BAZ2B: variants seen among roughly 807,000 people sequenced by gnomAD.
BAZ2B encodes the protein bromodomain adjacent to zinc finger domain 2B.
In BAZ2B, 91 loss-of-function variants were observed where a neutral mutation model predicts 246.0. The observed-to-expected ratio is 0.37, with a 90% confidence interval of 0.31 to 0.44. The LOEUF (loss-of-function observed/expected upper bound fraction) is 0.44. BAZ2B is among the 20% of genes least tolerant of loss of function. The pLI is 1.00. For synonymous variants in BAZ2B, 855 were observed against 860.0 expected (o/e 0.99, Z 0.10); for missense variants, 2,332 against 2,533.7 (o/e 0.92, Z 1.71).
chr2:159,431,166 A>G lies in BAZ2B; in HGVS notation c.1901-10T>C, dbSNP rs756684379. On this transcript the variant is annotated splice_polypyrimidine_tract_variant and intron_variant, in intron 9 of 36. Transcript: ENST00000392783. ...GAATTACTATCTGATTCTGGGAAGT[A>G]AAAGAAGCATTTGTATATTATAACT... 3.1e-6 allele frequency: 5 copies of G among 1,595,238 alleles called. No homozygotes were observed. Among genetic ancestry groups the G allele is most frequent in the Non-Finnish European group, 4.3e-6 (5 of 1,170,856 alleles).
intron 4 of BAZ2B, 136 bp downstream of exon 4, chr2:159,453,477 A>T: frequency 2.9e-6 from 3 of 1,043,116 alleles, no homozygotes; most frequent in Non-Finnish European, 3.9e-6. Flanking sequence ...GATAAATAGG[A>T]TTAAGCCAAT....
intron 34 of BAZ2B, among the ~76,000 whole-genome samples, chr2:159,331,794 G>A (rs2064840105): frequency 6.6e-6 from 1 of 152,202 alleles, no homozygotes; most frequent in Admixed American, 6.5e-5. Context: ...CCAAGGGCAG[G>A]GGCAGGCAAA....
intron 27 of BAZ2B, among the ~76,000 whole-genome samples, chr2:159,371,097 C>T (rs1031660927): frequency 1.1e-4 from 16 of 152,116 alleles, no homozygotes; most frequent in African/African-American, 3.1e-4. Flanking sequence ...TGTGAGACAC[C>T]GCGCTCGGCC....
intron 1 of BAZ2B, among the ~76,000 whole-genome samples, chr2:159,596,448 A>G (rs193242835): frequency 7.2e-4 from 110 of 152,304 alleles, no homozygotes; most frequent in Admixed American, 2.7e-3. Flanking sequence ...TAGAAAGTAA[A>G]TTTGTCTTGA....
intron 6 of BAZ2B, among the ~76,000 whole-genome samples, chr2:159,440,084 ACTC>A (rs1421203982): frequency 1.3e-5 from 2 of 152,218 alleles, no homozygotes; most frequent in Non-Finnish European, 2.9e-5. Flanking sequence ...TTATAAAAGA[ACTC>A]CTCAATAAAA....
intron 31 of BAZ2B, among the ~76,000 whole-genome samples, chr2:159,345,378 A>G (rs2067609832): frequency 6.6e-6 from 1 of 152,146 alleles, no homozygotes; most frequent in Non-Finnish European, 1.5e-5. Flanking sequence ...GATAATGAAT[A>G]TGCTAATTAC....
intron 27 of BAZ2B, among the ~76,000 whole-genome samples, chr2:159,354,681 A>G (rs1050957741): frequency 6.6e-6 from 1 of 152,178 alleles, no homozygotes; most frequent in Non-Finnish European, 1.5e-5. Context: ...TTGAAAATAT[A>G]TATGGGATAT....
chr2:159,501,738 AT>A (rs1181564101), intron 2 of BAZ2B, among the ~76,000 whole-genome samples: 5 of 152,216 alleles, frequency 3.3e-5, no homozygotes, highest in Non-Finnish European at 5.9e-5. Flanking sequence ...AAAGTTAAGA[AT>A]ATCTGAGTTC....
At chr2:159,647,608 G>T in the BAZ2B span, among the ~76,000 whole-genome samples, 2 of 152,236 alleles carry the variant, frequency 1.3e-5, no homozygotes, top group South Asian at 4.1e-4. Context: ...ATCACAGTTA[G>T]CCAATTCCCT....
intron 2 of BAZ2B, among the ~76,000 whole-genome samples, chr2:159,547,122 G>A (rs1578256311): frequency 6.6e-6 from 1 of 152,114 alleles, no homozygotes; most frequent in Non-Finnish European, 1.5e-5. Flanking sequence ...GGTTTCTCTT[G>A]AGGAGAAAGA....
intron 31 of BAZ2B, among the ~76,000 whole-genome samples, chr2:159,340,640 A>G (rs1229594830): frequency 6.7e-6 from 1 of 149,398 alleles, no homozygotes; most frequent in Admixed American, 6.7e-5. Flanking sequence ...GTAGTGAGAG[A>G]AAAAAAAAAC....
chr2:159,501,618 C>T (rs1209212984), intron 2 of BAZ2B, among the ~76,000 whole-genome samples: 2 of 152,032 alleles, frequency 1.3e-5, no homozygotes, highest in Non-Finnish European at 2.9e-5. Flanking sequence ...ACATAGTTTT[C>T]TGATTACTAA....
At chr2:159,405,849 A>T (rs1044502622) in intron 14 of BAZ2B, among the ~76,000 whole-genome samples, 3 of 152,202 alleles carry the variant, frequency 2.0e-5, no homozygotes, top group Non-Finnish European at 4.4e-5. Context: ...AAACAAATAC[A>T]AAGTCCCCTC....
intron 7 of BAZ2B, 84 bp from the exon 8 acceptor site, chr2:159,438,779 G>T: frequency 6.9e-7 from 1 of 1,453,624 alleles, no homozygotes. Flanking sequence ...ATAAAAACGG[G>T]TACTTTCAAA....
chr2:159,403,511 A>C (rs1437295225), intron 16 of BAZ2B, among the ~76,000 whole-genome samples: 1 of 152,184 alleles, frequency 6.6e-6, no homozygotes, highest in East Asian at 1.9e-4. Flanking sequence ...CAATAAAAGT[A>C]TAACAGAAAC....
Position 159,412,409 on chromosome 2 carries a change from C to T in BAZ2B, c.2603G>A (p.Arg868Gln), listed in dbSNP as rs755395339. Residue 868 changes from arginine (R) to glutamine (Q), a missense_variant, in exon 14 of 37, where the codon CGA (arginine) becomes CAA (glutamine). Coordinates refer to ENST00000392783, the MANE Select transcript of BAZ2B (RefSeq NM_013450.4). The part of the protein sequence containing the change: ...EESRMRRRKG[R>Q]PPNVGNAEFL... ...TTCAGCATTGCCAACATTTGGAGGT[C>T]GACCTTTCCGACGTCTCATCCTGGA... is the stretch of plus-strand genomic sequence containing the variant. 1.1e-5 allele frequency: 17 copies of T among 1,613,950 alleles called. No homozygotes were observed. The highest frequency in any genetic ancestry group is 4.0e-5 in the African/African-American group (3 of 74,892).
chr2:159,387,074 T>G (rs2062732601), intron 21 of BAZ2B, among the ~76,000 whole-genome samples: 1 of 152,130 alleles, frequency 6.6e-6, no homozygotes, highest in Admixed American at 6.6e-5. Context: ...TTTTTGTAGC[T>G]TAGAAACAAA....
At chr2:159,523,019 A>G (rs2084309276) in intron 2 of BAZ2B, among the ~76,000 whole-genome samples, 1 of 152,132 alleles carries the variant, frequency 6.6e-6, no homozygotes, top group African/African-American at 2.4e-5. Context: ...TGATCCCAAC[A>G]TTTTTGGGAA....
Position 159,519,210 on chromosome 2 carries a change from C to CTTTT in BAZ2B, c.-3+36609_-3+36612dup, listed in dbSNP as rs564614568. Among the ~76,000 whole-genome samples the CTTTT allele has an allele frequency of 5.9e-3, 339 of 57,768 alleles. 61 individuals are homozygous for CTTTT. The highest frequency in any genetic ancestry group is 0.013 in the African/African-American group (220 of 16,612). 37.9% of individuals were successfully genotyped at this position (57,768 alleles called of 152,430 possible). ...AAATTCCAACTTCATATTCTATTTT[C>CTTTT]TTTTTTTTTTTTTTTTTTTTTTTTT... is the stretch of plus-strand genomic sequence containing the variant. On this transcript the variant is annotated intron_variant, in intron 2 of 36. Transcript: ENST00000392783.
Sources: gnomAD v4.1 joint callset for allele counts (sites outside exome capture counted in the v4.1 genomes callset) on GRCh38, gnomAD v4.1.1 for gene constraint, MANE v1.5 for transcripts, NCBI Gene and HGNC (gene_info 2026-07-23, HGNC 2026-07-21) for gene names.